DOK5: variants seen among roughly 807,000 people sequenced by gnomAD.
DOK5 encodes the protein downstream of tyrosine kinase 5.
In DOK5, 27 loss-of-function variants were observed where a neutral mutation model predicts 43.3. That is an observed-to-expected ratio of 0.62 (90% CI 0.46 to 0.86). The LOEUF (loss-of-function observed/expected upper bound fraction) is 0.86. Among genes scored for constraint, DOK5 ranks in the 40% least tolerant of loss-of-function variants. The pLI, the probability that DOK5 is intolerant of heterozygous loss-of-function variation, is 0.00. For synonymous variants in DOK5, 146 were observed against 140.1 expected (o/e 1.04, Z -0.30); for missense variants, 373 against 392.9 (o/e 0.95, Z 0.43).
At chr20:54,573,301 G>T (rs899854950) in intron 2 of DOK5, among the ~76,000 whole-genome samples, 1 of 152,144 alleles carries the variant, frequency 6.6e-6, no homozygotes, top group African/African-American at 2.4e-5. Flanking sequence ...CCCGGAGCAG[G>T]GAGAATGCTT....
chr20:54,614,361 AGAGT>A (rs1270382864), intron 6 of DOK5, among the ~76,000 whole-genome samples: 2 of 152,176 alleles, frequency 1.3e-5, no homozygotes, highest in Non-Finnish European at 2.9e-5. Flanking sequence ...AATGCGAGAG[AGAGT>A]GAGAGCGAGC....
intron 1 of DOK5, among the ~76,000 whole-genome samples, chr20:54,548,578 C>T (rs1188572326): frequency 7.9e-5 from 12 of 151,722 alleles, no homozygotes; most frequent in East Asian, 5.8e-4. Context: ...TATTATAGTT[C>T]GAATAAAAGA....
At chr20:54,613,728 T>G (rs1158293894) in intron 6 of DOK5, among the ~76,000 whole-genome samples, 1 of 152,178 alleles carries the variant, frequency 6.6e-6, no homozygotes, top group African/African-American at 2.4e-5. Flanking sequence ...GTACGGTGGC[T>G]CACACCTGTA....
intron 1 of DOK5, among the ~76,000 whole-genome samples, chr20:54,522,621 G>A (rs1462397360): frequency 2.6e-5 from 4 of 151,068 alleles, no homozygotes; most frequent in South Asian, 2.1e-4. Flanking sequence ...CCGGGTTCAA[G>A]CAACTCTCCT....
At chr20:54,578,356 T>C (rs1191411944) in intron 2 of DOK5, among the ~76,000 whole-genome samples, 1 of 152,190 alleles carries the variant, frequency 6.6e-6, no homozygotes, top group African/African-American at 2.4e-5. Context: ...CCGGTCTTCT[T>C]TGATAGCTAC....
chr20:54,532,640 C>A (rs1983816657), intron 1 of DOK5, among the ~76,000 whole-genome samples: 1 of 152,160 alleles, frequency 6.6e-6, no homozygotes. Context: ...GCCGGGACTG[C>A]TGCTGTTCTC....
chr20:54,573,562 G>A (rs753526394), intron 2 of DOK5, among the ~76,000 whole-genome samples: 10 of 151,398 alleles, frequency 6.6e-5, no homozygotes, highest in African/African-American at 1.9e-4. Context: ...TGGCACATGC[G>A]TGTATTCCCA....
At chr20:54,592,808 C>T (rs1046404157) in intron 5 of DOK5, among the ~76,000 whole-genome samples, 2 of 151,990 alleles carry the variant, frequency 1.3e-5, no homozygotes, top group African/African-American at 4.8e-5. Flanking sequence ...CTGGGATTAC[C>T]GGCGTGAGCC....
At chr20:54,521,305 T>C (rs984176362) in intron 1 of DOK5, among the ~76,000 whole-genome samples, 1 of 152,098 alleles carries the variant, frequency 6.6e-6, no homozygotes, top group African/African-American at 2.4e-5. Context: ...TCCTGGAGCT[T>C]GTAGAGATCC....
intron 6 of DOK5, among the ~76,000 whole-genome samples, chr20:54,637,845 G>T (rs538071379): frequency 2.6e-5 from 4 of 152,188 alleles, no homozygotes; most frequent in Non-Finnish European, 4.4e-5. Flanking sequence ...TACTTTGGCC[G>T]GGCGCGGTGG....
chr20:54,571,512 C>T (rs1289960255), intron 2 of DOK5, among the ~76,000 whole-genome samples: 4 of 152,166 alleles, frequency 2.6e-5, no homozygotes, highest in African/African-American at 4.8e-5. Context: ...TTGTGAGAGG[C>T]TGTCCTGTGC....
intron 2 of DOK5, among the ~76,000 whole-genome samples, chr20:54,564,524 C>A (rs1320945751): frequency 6.6e-6 from 1 of 152,152 alleles, no homozygotes; most frequent in Non-Finnish European, 1.5e-5. Flanking sequence ...TGTGTCTATG[C>A]CTCCTCTGTA....
intron 1 of DOK5, among the ~76,000 whole-genome samples, chr20:54,502,794 G>C (rs13042986): frequency 0.086 from 13,114 of 151,956 alleles, 628 homozygotes; most frequent in Non-Finnish European, 0.11. Context: ...TGTCAGCATG[G>C]TATTTCATTG....
intron 2 of DOK5, among the ~76,000 whole-genome samples, chr20:54,572,630 T>C (rs1213689994): frequency 6.6e-6 from 1 of 152,206 alleles, no homozygotes; most frequent in African/African-American, 2.4e-5. Context: ...TATGCTATCA[T>C]AATATCTTTT....
chr20:54,574,904 A>G (rs1300734094), intron 2 of DOK5, among the ~76,000 whole-genome samples: 1 of 152,224 alleles, frequency 6.6e-6, no homozygotes, highest in Non-Finnish European at 1.5e-5. Context: ...CTATTTTACT[A>G]TAAACAGAAA....
chr20:54,557,601 C>T (rs981077945), intron 2 of DOK5, among the ~76,000 whole-genome samples: 1 of 152,166 alleles, frequency 6.6e-6, no homozygotes, highest in Non-Finnish European at 1.5e-5. Context: ...CTTAATCCCA[C>T]CTTCCTCTTC....
At chr20:54,478,068 G>T (rs1462739978) in intron 1 of DOK5, among the ~76,000 whole-genome samples, 1 of 152,176 alleles carries the variant, frequency 6.6e-6, no homozygotes, top group Non-Finnish European at 1.5e-5. Context: ...CTGTGTTCAC[G>T]TTCAGACTTC....
rs546902510 is a variant in DOK5, at chr20:54,644,427, G to A, written c.856+849G>A. Reference sequence around the variant, plus strand: ...TCTTTACTAAAAAAAATACAAGGCCGGGCGCAGTGGCTCACGCCTGTAATC... The same window carrying A: ...TCTTTACTAAAAAAAATACAAGGCCAGGCGCAGTGGCTCACGCCTGTAATC... On this transcript the variant is annotated intron_variant, in intron 7 of 7. Coordinates refer to ENST00000262593, the MANE Select transcript of DOK5 (RefSeq NM_018431.5). 5.1e-4 allele frequency among the ~76,000 whole-genome samples: 77 copies of A among 152,004 alleles called. No individual in the cohort carries two copies. The South Asian group carries it at 0.015, about 30-fold the overall frequency.
At chr20:54,486,011 C>G (rs890400308) in intron 1 of DOK5, among the ~76,000 whole-genome samples, 2 of 152,204 alleles carry the variant, frequency 1.3e-5, no homozygotes, top group African/African-American at 4.8e-5. Context: ...TTCATATATT[C>G]TAGATATCAA....
Sources: gnomAD v4.1 joint callset for allele counts (sites outside exome capture counted in the v4.1 genomes callset) on GRCh38, gnomAD v4.1.1 for gene constraint, MANE v1.5 for transcripts, NCBI Gene and HGNC (gene_info 2026-07-23, HGNC 2026-07-21) for gene names.